Variants in DCUN1D5 observed in about 807,000 individuals in gnomAD.
The protein encoded by DCUN1D5 is DCN1-like protein 5.
In DCUN1D5, 10 loss-of-function variants were observed where a neutral mutation model predicts 38.3. That is an observed-to-expected ratio of 0.26 (90% CI 0.16 to 0.44). The LOEUF (loss-of-function observed/expected upper bound fraction) is 0.44. DCUN1D5 is among the 20% of genes least tolerant of loss of function. The probability of loss-of-function intolerance (pLI) is 1.00; values close to 1 mark genes in which losing one functional copy is unlikely to be tolerated. For missense variants in DCUN1D5, 148 were observed against 275.3 expected (o/e 0.54, Z 3.27); for synonymous variants, 93 against 90.9 (o/e 1.02, Z -0.13).
chr11:103,054,630 T>C lies in DCUN1D5; in HGVS notation c.*7729A>G, dbSNP rs1258790855. The C allele has an allele frequency of 6.6e-6, 1 of 152,138 alleles. No individual in the cohort carries two copies. The highest frequency in any genetic ancestry group is 1.5e-5 in the Non-Finnish European group (1 of 67,990). The allele number at this position is 152,138 out of a possible 1,614,324, so 9.4% of individuals were successfully genotyped here. On this transcript the variant is annotated 3_prime_UTR_variant, in exon 8 of 8. Transcript: ENST00000260247. ...CGCTCATATAATAATACCCAGCACA[T>C]AGTTAATTATTTCCTGAAAAAATGT...
At position 103,060,673 on chromosome 11, in the gene DCUN1D5, A is replaced by AAAAG. The variant is rs1233464451; in HGVS notation, c.*1682_*1685dup. Among the ~76,000 whole-genome samples the AAAAG allele has an allele frequency of 6.6e-6, 1 of 152,184 alleles. No homozygotes were observed. Among genetic ancestry groups the AAAAG allele is most frequent in the African/African-American group, 2.4e-5 (1 of 41,438 alleles). On this transcript the variant is annotated 3_prime_UTR_variant, in exon 8 of 8. Transcript: ENST00000260247. Reference sequence around the variant, plus strand: ...TATTTTACTCAAATACTGAAGATGAAAAAGATATTACCATTAGTTCAGGTT... The same window carrying AAAAG: ...TATTTTACTCAAATACTGAAGATGAAAAAGAAAGATATTACCATTAGTTCAGGTT...
chr11:103,053,225 A>C lies in DCUN1D5; in HGVS notation c.*9134T>G, dbSNP rs184285304. 4 of 152,246 alleles carry C rather than the reference A, an allele frequency of 2.6e-5. No homozygotes were observed. The highest frequency in any genetic ancestry group is 1.5e-5 in the Non-Finnish European group (1 of 67,970). 9.4% of individuals were successfully genotyped at this position (152,246 alleles called of 1,614,324 possible). A position where few individuals can be genotyped will look rare whatever the true frequency, so the allele number is the denominator to read the frequency against. On this transcript the variant is annotated 3_prime_UTR_variant, in exon 8 of 8. Transcript: ENST00000260247. The surrounding 1 kb of genome is among the most constrained non-coding windows in gnomAD (Gnocchi z 4.8). ...AGCCATAGTAGCTATGTTACTGAGCATTTATTACTTGGTGCCAACTACACT... is the reference window on the plus strand; with the variant it reads ...AGCCATAGTAGCTATGTTACTGAGCCTTTATTACTTGGTGCCAACTACACT...
chr11:103,085,940 A>G (rs932677702), intron 2 of DCUN1D5, among the ~76,000 whole-genome samples: 1 of 152,234 alleles, frequency 6.6e-6, no homozygotes, highest in Non-Finnish European at 1.5e-5. Flanking sequence ...CATGTTTTCA[A>G]TTACCATAGG....
chr11:103,064,259 G>A lies in DCUN1D5; in HGVS notation c.658+16C>T, dbSNP rs764794927. 6.3e-6 allele frequency: 10 copies of A among 1,593,230 alleles called. No individual in the cohort carries two copies. The highest frequency in any genetic ancestry group is 1.1e-5 in the South Asian group (1 of 88,902). On this transcript the variant is annotated intron_variant, in intron 7 of 7. Transcript: ENST00000260247. The surrounding 1 kb of genome is among the most constrained non-coding windows in gnomAD (Gnocchi z 4.5). ...GGAAATTTTGTTTTCAAAGGAACAT[G>A]TTATGTTATACTTACAAGCACCATC...
In DCUN1D5 at chr11:103,086,961, G is replaced by A. The variant is rs1017000997; in HGVS notation, c.178+2266C>T. ...TTTAGAATCAGAAGGACCTGGGTTTGAATCCTGGCTCTTGTCACTATATGA... is the reference window on the plus strand; with the variant it reads ...TTTAGAATCAGAAGGACCTGGGTTTAAATCCTGGCTCTTGTCACTATATGA... On this transcript the variant is annotated intron_variant, in intron 2 of 7. Coordinates refer to ENST00000260247, the MANE Select transcript of DCUN1D5 (RefSeq NM_032299.4). This position sits in a 1 kb window ranked among gnomAD's most constrained non-coding sequence, Gnocchi z 4.1. 1.2e-4 allele frequency among the ~76,000 whole-genome samples: 18 copies of A among 151,960 alleles called. No homozygotes were observed. Among genetic ancestry groups the A allele is most frequent in the African/African-American group, 4.1e-4 (17 of 41,502 alleles).
chr11:103,088,495 G>A (rs1862771262), intron 2 of DCUN1D5, among the ~76,000 whole-genome samples: 5 of 151,980 alleles, frequency 3.3e-5, no homozygotes, highest in Admixed American at 2.6e-4. Context: ...TTTGACTTTC[G>A]CCTCTAAAAC....
Position 103,064,187 on chromosome 11 carries a change from C to T in DCUN1D5, c.658+88G>A. 1 of 971,530 alleles carries T rather than the reference C, an allele frequency of 1.0e-6. No homozygotes were observed. The highest frequency in any genetic ancestry group is 1.6e-6 in the Non-Finnish European group (1 of 641,120). The allele number at this position is 971,530 out of a possible 1,614,324, so 60.2% of individuals were successfully genotyped here. On this transcript the variant is annotated intron_variant, in intron 7 of 7. Coordinates refer to ENST00000260247, the MANE Select transcript of DCUN1D5 (RefSeq NM_032299.4). The surrounding 1 kb of genome is among the most constrained non-coding windows in gnomAD (Gnocchi z 4.5). Reference sequence around the variant, plus strand: ...TAAGTTACTATTACAAAGTTTAAAACCTCTATGCTAATACTACACAAATGC... The same window carrying T: ...TAAGTTACTATTACAAAGTTTAAAATCTCTATGCTAATACTACACAAATGC...
Position 103,062,995 on chromosome 11 carries a change from T to C in DCUN1D5, c.659-581A>G, listed in dbSNP as rs1225935595. Among the ~76,000 whole-genome samples the C allele has an allele frequency of 6.6e-6, 1 of 152,152 alleles. No homozygotes were observed. Among genetic ancestry groups the C allele is most frequent in the African/African-American group, 2.4e-5 (1 of 41,454 alleles). ...GCAGTTTAAATGAGCTCAGTGTTTA[T>C]TTTGTTTAAATGTAGGAAAAAAATC... On this transcript the variant is annotated intron_variant, in intron 7 of 7. Coordinates refer to ENST00000260247, the MANE Select transcript of DCUN1D5 (RefSeq NM_032299.4). This position sits in a 1 kb window ranked among gnomAD's most constrained non-coding sequence, Gnocchi z 4.6.
At chr11:103,069,880 T>C (rs1389508138) in intron 4 of DCUN1D5, among the ~76,000 whole-genome samples, 2 of 151,998 alleles carry the variant, frequency 1.3e-5, no homozygotes, top group Non-Finnish European at 2.9e-5. Context: ...TTAAATACGA[T>C]CCAGAGATCC....
rs1438830792 is a variant in DCUN1D5 at position 103,058,614 on chromosome 11, T to C, written c.*3745A>G. Among the ~76,000 whole-genome samples the C allele has an allele frequency of 6.6e-6, 1 of 152,130 alleles. No homozygotes were observed. The highest frequency in any genetic ancestry group is 6.5e-5 in the Admixed American group (1 of 15,270). On this transcript the variant is annotated 3_prime_UTR_variant, in exon 8 of 8. Coordinates refer to ENST00000260247, the MANE Select transcript of DCUN1D5 (RefSeq NM_032299.4). Reference sequence around the variant, plus strand: ...ACAAAAAAGAACAAATCTTAAACAATAGGTTTACCTGGTTCTTACCAAATA... The same window carrying C: ...ACAAAAAAGAACAAATCTTAAACAACAGGTTTACCTGGTTCTTACCAAATA...
rs1163965202 is a variant in DCUN1D5 at position 103,059,746 on chromosome 11, G to A, written c.*2613C>T. On this transcript the variant is annotated 3_prime_UTR_variant, in exon 8 of 8. Coordinates refer to ENST00000260247, the MANE Select transcript of DCUN1D5 (RefSeq NM_032299.4). ...CTTATTAAGAATTATTGGCCCCGAG[G>A]AGTGGGGGGGTGGGGGGGTTGCAAT... Among the ~76,000 whole-genome samples the A allele has an allele frequency of 6.8e-6, 1 of 147,888 alleles. No homozygotes were observed. The highest frequency in any genetic ancestry group is 1.5e-5 in the Non-Finnish European group (1 of 66,798).
chr11:103,058,889 G>T lies in DCUN1D5; in HGVS notation c.*3470C>A, dbSNP rs934434628. ...TCTTCTTTAGGAGTAAGACTTTTGG[G>T]TTTTTTTGGGGGGGGTTTTAATTTT... is the stretch of plus-strand genomic sequence containing the variant. On this transcript the variant is annotated 3_prime_UTR_variant, in exon 8 of 8. Transcript: ENST00000260247. Among the ~76,000 whole-genome samples the T allele has an allele frequency of 6.7e-5, 10 of 149,466 alleles. No individual in the cohort carries two copies. Among genetic ancestry groups the T allele is most frequent in the African/African-American group, 2.2e-4 (9 of 40,096 alleles).
chr11:103,059,346 C>T lies in DCUN1D5; in HGVS notation c.*3013G>A, dbSNP rs1160413741. ...GGAGTTATCTCAGAATTTACTCCCA[C>T]CCCGACCCCGAGTGATGGCATTCAA... On this transcript the variant is annotated 3_prime_UTR_variant, in exon 8 of 8. Transcript: ENST00000260247. Among the ~76,000 whole-genome samples, 1 of 151,994 alleles carries T rather than the reference C, an allele frequency of 6.6e-6. No homozygotes were observed. The highest frequency in any genetic ancestry group is 1.5e-5 in the Non-Finnish European group (1 of 67,998).
chr11:103,061,754 GCTCT>G lies in DCUN1D5; in HGVS notation c.*601_*604del, dbSNP rs1484501258. ...CTGGACATAATCTTTCCAATTCTAA[GCTCT>G]CTGAGATAAGACATCTGCATAAGAC... On this transcript the variant is annotated 3_prime_UTR_variant, in exon 8 of 8. Transcript: ENST00000260247. Among the ~76,000 whole-genome samples, 1 of 151,924 alleles carries G rather than the reference GCTCT, an allele frequency of 6.6e-6. No individual in the cohort carries two copies. The highest frequency in any genetic ancestry group is 1.5e-5 in the Non-Finnish European group (1 of 67,954).
intron 4 of DCUN1D5, among the ~76,000 whole-genome samples, chr11:103,069,096 T>C (rs1213043347): frequency 6.6e-6 from 1 of 152,144 alleles, no homozygotes; most frequent in African/African-American, 2.4e-5. Flanking sequence ...AATGAACTTT[T>C]CACACTCACT....
Position 103,071,302 on chromosome 11 carries a change from G to A in DCUN1D5, c.342-4735C>T, listed in dbSNP as rs1327070226. Among the ~76,000 whole-genome samples the A allele has an allele frequency of 6.6e-6, 1 of 151,808 alleles. No homozygotes were observed. Among genetic ancestry groups the A allele is most frequent in the African/African-American group, 2.4e-5 (1 of 41,402 alleles). The stretch of plus-strand genomic sequence containing the variant: ...TCTCTAACAAGACTGACAAAAAAGA[G>A]AGAAGACAAAAATTACCCATATCAG... On this transcript the variant is annotated intron_variant, in intron 4 of 7. Transcript: ENST00000260247. This position sits in a 1 kb window ranked among gnomAD's most constrained non-coding sequence, Gnocchi z 4.1.
chr11:103,091,949 G>C lies in DCUN1D5; in HGVS notation c.-77C>G, dbSNP rs1162351839. 9.4e-6 allele frequency: 13 copies of C among 1,385,080 alleles called. No individual in the cohort carries two copies. The Admixed American group carries it at 2.0e-4, about 22-fold the overall frequency. 85.8% of individuals were successfully genotyped at this position (1,385,080 alleles called of 1,614,324 possible). On this transcript the variant is annotated 5_prime_UTR_variant, in exon 1 of 8. Transcript: ENST00000260247. This position sits in a 1 kb window ranked among gnomAD's most constrained non-coding sequence, Gnocchi z 4.3. ...GTCCGCTGGAAGCCCCTCAGCGCTG[G>C]CACCCAGTTCCCAGAGACAGCAGCA...
chr11:103,088,326 TA>T (rs1008682073), intron 2 of DCUN1D5, among the ~76,000 whole-genome samples: 2 of 151,124 alleles, frequency 1.3e-5, no homozygotes, highest in South Asian at 2.1e-4. Context: ...TGAAGCAGGT[TA>T]AAAAAAAGGA....
chr11:103,087,173 CTTTTTT>C lies in DCUN1D5; in HGVS notation c.178+2048_178+2053del, dbSNP rs201932440. On this transcript the variant is annotated intron_variant, in intron 2 of 7. Transcript: ENST00000260247. The surrounding 1 kb of genome is among the most constrained non-coding windows in gnomAD (Gnocchi z 4.1). ...AAACCCCATTTCTTTTTTTCTTTTTCTTTTTTTTTTTTTTTGAGGCAGAGTCTCACT... is the reference window on the plus strand; with the variant it reads ...AAACCCCATTTCTTTTTTTCTTTTTCTTTTTTTTTGAGGCAGAGTCTCACT... Among the ~76,000 whole-genome samples, 1 of 138,790 alleles carries C rather than the reference CTTTTTT, an allele frequency of 7.2e-6. No individual in the cohort carries two copies. The allele number at this position is 138,790 out of a possible 152,430, so 91.1% of individuals were successfully genotyped here. A position where few individuals can be genotyped will look rare whatever the true frequency, so the allele number is the denominator to read the frequency against.
Sources: gnomAD v4.1 joint callset for allele counts (sites outside exome capture counted in the v4.1 genomes callset) on GRCh38, gnomAD v4.1.1 for gene constraint, Gnocchi (gnomAD v3.1) non-coding constraint, MANE v1.5 for transcripts, NCBI Gene and HGNC (gene_info 2026-07-23, HGNC 2026-07-21) for gene names.